CISTR: variants seen among roughly 807,000 people sequenced by gnomAD.
The protein encoded by CISTR is chondrogenic regulator lncRNA.
chr12:53,749,585 T>C (rs1937823416), intron 2 of CISTR, among the ~76,000 whole-genome samples: 1 of 151,978 alleles, frequency 6.6e-6, no homozygotes, highest in Admixed American at 6.6e-5. Context: ...TTTCTTTAAG[T>C]ACAAAGAACC....
intron 1 of CISTR, among the ~76,000 whole-genome samples, chr12:53,754,807 C>G (rs1937897549): frequency 6.6e-6 from 1 of 152,198 alleles, no homozygotes; most frequent in Non-Finnish European, 1.5e-5. Context: ...CTTTCAATCT[C>G]TGTTTTCACT....
intron 1 of CISTR, chr12:53,750,989 T>C (rs887405493): frequency 2.3e-4 from 35 of 152,352 alleles, no homozygotes; most frequent in African/African-American, 8.0e-4. Flanking sequence ...AACAAGAACA[T>C]TGTAAGCCCC....
chr12:53,747,931 C>A (rs912789386), intron 2 of CISTR, among the ~76,000 whole-genome samples: 2 of 152,130 alleles, frequency 1.3e-5, no homozygotes, highest in African/African-American at 4.8e-5. Flanking sequence ...TCCCACACCC[C>A]CTTCCAGTAA....
intron 2 of CISTR, among the ~76,000 whole-genome samples, chr12:53,748,972 GGT>G (rs138159626): frequency 2.0e-5 from 3 of 151,738 alleles, no homozygotes; most frequent in Admixed American, 2.0e-4. Flanking sequence ...AGTGTGTATG[GGT>G]GTGTGTGTGT....
rs143396535 is a variant in CISTR at position 53,756,246 on chromosome 12, A to G, written n.414+568T>C. Among the ~76,000 whole-genome samples, 220 of 152,212 alleles carry G rather than the reference A, an allele frequency of 1.4e-3. 1 individual carries two copies. The highest frequency in any genetic ancestry group is 5.0e-3 in the African/African-American group (207 of 41,520). ...CATCCCCTTTTCTGGCTCTCGAGGT[A>G]AGTTCTTTGGGGATGAAGCACCTGA... On this transcript the variant is annotated intron_variant and non_coding_transcript_variant, in intron 1 of 2. Coordinates refer to ENST00000669269, the Ensembl canonical transcript of CISTR. The surrounding 1 kb of genome is among the most constrained non-coding windows in gnomAD (Gnocchi z 4.0).
chr12:53,750,723 C>T (rs1341524203), exon 2 of CISTR: 1 of 153,124 alleles, frequency 6.5e-6, no homozygotes, highest in Non-Finnish European at 1.5e-5. Flanking sequence ...TGTGTGTTTC[C>T]ATGTGGTCAT....
At chr12:53,749,446 T>C (rs1937821418) in intron 2 of CISTR, among the ~76,000 whole-genome samples, 1 of 151,884 alleles carries the variant, frequency 6.6e-6, no homozygotes, top group African/African-American at 2.4e-5. Flanking sequence ...AGGGCACCTA[T>C]CTACCTGGAG....
intron 1 of CISTR, among the ~76,000 whole-genome samples, chr12:53,753,662 AGG>A (rs78752720): frequency 4.6e-5 from 6 of 130,380 alleles, no homozygotes; most frequent in Admixed American, 3.1e-4. Context: ...AGGAATGCAT[AGG>A]GGTGTGTGTG....
At chr12:53,753,539 T>A (rs1293301203) in intron 1 of CISTR, among the ~76,000 whole-genome samples, 1 of 152,170 alleles carries the variant, frequency 6.6e-6, no homozygotes, top group Non-Finnish European at 1.5e-5. Flanking sequence ...ATTCATTTAG[T>A]TAGCAGGGAG....
Position 53,753,052 on chromosome 12 carries a change from T to TCTCACACACACA in CISTR, n.415-2088_415-2087insTGTGTGTGTGAG, listed in dbSNP as rs1442599901. ...ATCATACTTCTCTCCCATCTATACA[T>TCTCACACACACA]CACACACACACACACACACACACAC... On this transcript the variant is annotated intron_variant and non_coding_transcript_variant, in intron 1 of 2. Coordinates refer to ENST00000669269, the Ensembl canonical transcript of CISTR. Among the ~76,000 whole-genome samples, 509 of 121,300 alleles carry TCTCACACACACA rather than the reference T, an allele frequency of 4.2e-3. 3 individuals carry two copies. The highest frequency in any genetic ancestry group is 9.9e-3 in the African/African-American group (324 of 32,626). The allele number at this position is 121,300 out of a possible 152,430, so 79.6% of individuals were successfully genotyped here. A position where few individuals can be genotyped will look rare whatever the true frequency, so the allele number is the denominator to read the frequency against.
At chr12:53,753,083 C>CAGAG (rs1241418740) in intron 1 of CISTR, among the ~76,000 whole-genome samples, 5 of 124,846 alleles carry the variant, frequency 4.0e-5, no homozygotes, top group African/African-American at 5.4e-5. Flanking sequence ...CACACACACA[C>CAGAG]ACACACAGAG....
chr12:53,754,200 T>C (rs1937890322), intron 1 of CISTR, among the ~76,000 whole-genome samples: 1 of 152,216 alleles, frequency 6.6e-6, no homozygotes, highest in African/African-American at 2.4e-5. Flanking sequence ...GAATTATTCA[T>C]TTTAAAGCTA....
At chr12:53,752,617 T>A (rs1453169035) in intron 1 of CISTR, among the ~76,000 whole-genome samples, 1 of 152,158 alleles carries the variant, frequency 6.6e-6, no homozygotes, top group Non-Finnish European at 1.5e-5. Flanking sequence ...AATCTGCTCC[T>A]CTCCCTAGCC....
chr12:53,749,399 G>C (rs1171822556), intron 2 of CISTR, among the ~76,000 whole-genome samples: 1 of 151,886 alleles, frequency 6.6e-6, no homozygotes, highest in East Asian at 1.9e-4. Flanking sequence ...TGTTGAGAGG[G>C]AGGCAGACTA....
At chr12:53,754,545 T>C (rs1937895174) in intron 1 of CISTR, 1 of 152,254 alleles carries the variant, frequency 6.6e-6, no homozygotes, top group Admixed American at 6.5e-5. Flanking sequence ...TTTATTTTAT[T>C]ATCTATAAAA....
At position 53,751,441 on chromosome 12, in the gene CISTR, G is replaced by C. The variant is rs535643108; in HGVS notation, n.415-476C>G. Among the ~76,000 whole-genome samples the C allele has an allele frequency of 6.6e-6, 1 of 152,184 alleles. No individual in the cohort carries two copies. The highest frequency in any genetic ancestry group is 1.5e-5 in the Non-Finnish European group (1 of 68,028). ...TCCGGCCGCGGCAGTTTCCGAAATC[G>C]CCCGGCGGCCGCGAATTCATTAGTG... On this transcript the variant is annotated intron_variant and non_coding_transcript_variant, in intron 1 of 2. Transcript: ENST00000669269. The surrounding 1 kb of genome is among the most constrained non-coding windows in gnomAD (Gnocchi z 4.6).
At chr12:53,754,170 A>C (rs141305261) in intron 1 of CISTR, among the ~76,000 whole-genome samples, 2 of 152,194 alleles carry the variant, frequency 1.3e-5, no homozygotes, top group African/African-American at 4.8e-5. Context: ...TATCTCCTTT[A>C]CTCACTCCTT....
exon 3 of CISTR, among the ~76,000 whole-genome samples, chr12:53,746,481 C>G (rs769176514): frequency 3.9e-5 from 6 of 152,148 alleles, no homozygotes; most frequent in East Asian, 1.9e-4. Flanking sequence ...CACGGAGGAG[C>G]GTGGGTGTCA....
chr12:53,755,137 A>G (rs1399724758), intron 1 of CISTR, among the ~76,000 whole-genome samples: 1 of 152,240 alleles, frequency 6.6e-6, no homozygotes, highest in Non-Finnish European at 1.5e-5. Context: ...ATTTGCCAAG[A>G]TCTGGAGAGG....
Sources: gnomAD v4.1 joint callset for allele counts (sites outside exome capture counted in the v4.1 genomes callset) on GRCh38, gnomAD v4.1.1 for gene constraint, Gnocchi (gnomAD v3.1) non-coding constraint, MANE v1.5 for transcripts, NCBI Gene and HGNC (gene_info 2026-07-23, HGNC 2026-07-21) for gene names.